PSMB1: variants seen among roughly 807,000 people sequenced by gnomAD.
The protein encoded by PSMB1 is proteasome 20S subunit beta 1.
PSMB1 carries 7 observed loss-of-function variants against 25.4 expected under a neutral mutation model. The observed-to-expected ratio is 0.28, with a 90% CI of 0.16 to 0.52. The LOEUF (loss-of-function observed/expected upper bound fraction) is 0.52, where lower values mean the gene tolerates loss of function less well. Ranked by LOEUF, PSMB1 falls within the 20% of genes least tolerant of loss-of-function variation. The pLI is 0.97. For synonymous variants in PSMB1, 119 were observed against 115.0 expected (o/e 1.03, Z -0.22); for missense variants, 284 against 302.2 (o/e 0.94, Z 0.45).
chr6:170,550,565 G>T (rs1778879674), intron 1 of PSMB1: 1 of 152,162 alleles, frequency 6.6e-6, no homozygotes, highest in South Asian at 2.1e-4. Flanking sequence ...TTTAAAAAAG[G>T]AATGCAAGAG....
At position 170,549,255 on chromosome 6, in the gene PSMB1, C is replaced by T. The variant is rs17860771; in HGVS notation, c.114-142G>A. The T allele has an allele frequency of 2.1e-3, 1,019 of 492,946 alleles. 2 individuals are homozygous for T. Among genetic ancestry groups the T allele is most frequent in the South Asian group, 7.5e-3 (191 of 25,452 alleles). 30.5% of individuals were successfully genotyped at this position (492,946 alleles called of 1,614,324 possible). ...TTCAAATGGGAAGAGGAAAGATGAGCGGGAAGAGAATGAACGCCTGGCTAC... is the reference window on the plus strand; with the variant it reads ...TTCAAATGGGAAGAGGAAAGATGAGTGGGAAGAGAATGAACGCCTGGCTAC... On this transcript the variant is annotated intron_variant, in intron 1 of 5. Coordinates refer to ENST00000262193, the MANE Select transcript of PSMB1 (RefSeq NM_002793.4).
At chr6:170,547,881 CAAAAA>C (rs5881874) in intron 2 of PSMB1, among the ~76,000 whole-genome samples, 1 of 112,960 alleles carries the variant, frequency 8.9e-6, no homozygotes, top group Non-Finnish European at 1.9e-5. Context: ...ACGTGTTTCA[CAAAAA>C]AAAAAAAAAA....
At chr6:170,538,923 A>C (rs1778727202) in intron 4 of PSMB1, among the ~76,000 whole-genome samples, 1 of 152,186 alleles carries the variant, frequency 6.6e-6, no homozygotes, top group South Asian at 2.1e-4. Context: ...GCCACAAGTA[A>C]ACTGAGGCCC....
rs775774872 is a variant in PSMB1 at position 170,549,038 on chromosome 6, A to C, written c.189T>G (p.Ile63Met). The C allele has an allele frequency of 6.2e-7, 1 of 1,613,326 alleles. No homozygotes were observed. ...SDTRLSEGFS[I>M]HTRDSPKCYK... ...AACATTTGGGGCTATCCCGCGTATG[A>C]ATTGAAAACCCTTCACTCAATCGAG... Residue 63 changes from isoleucine (I) to methionine (M), a missense_variant, in exon 2 of 6, where the codon ATT (isoleucine) becomes ATG (methionine). Physicochemically the swap from Ile to Met is conservative, Grantham distance 10. Coordinates refer to ENST00000262193, the MANE Select transcript of PSMB1 (RefSeq NM_002793.4).
intron 1 of PSMB1, among the ~76,000 whole-genome samples, chr6:170,551,307 T>G (rs9356664): frequency 0.21 from 31,688 of 152,078 alleles, 4,122 homozygotes; most frequent in South Asian, 0.34. Context: ...GAAAACCAGA[T>G]TTGGGAGTAA....
intron 2 of PSMB1, among the ~76,000 whole-genome samples, chr6:170,547,474 G>C (rs1311085406): frequency 6.6e-6 from 1 of 152,160 alleles, no homozygotes; most frequent in Non-Finnish European, 1.5e-5. Flanking sequence ...ATTCCTCTTG[G>C]AAACTTACGA....
chr6:170,535,936 A>G (rs1778685090), intron 5 of PSMB1, among the ~76,000 whole-genome samples: 1 of 152,210 alleles, frequency 6.6e-6, no homozygotes, highest in African/African-American at 2.4e-5. Context: ...GCAGAGGAGT[A>G]GCTATATATG....
chr6:170,546,902 C>T (rs944770242), intron 2 of PSMB1, among the ~76,000 whole-genome samples: 1 of 152,018 alleles, frequency 6.6e-6, no homozygotes, highest in Non-Finnish European at 1.5e-5. Context: ...GCATCTACCC[C>T]CAAAGTCTAA....
At chr6:170,552,125 G>A (rs901013492) in intron 1 of PSMB1, among the ~76,000 whole-genome samples, 1 of 152,192 alleles carries the variant, frequency 6.6e-6, no homozygotes, top group Non-Finnish European at 1.5e-5. Context: ...TGCTGCGCAG[G>A]CTGGTCTTCA....
In PSMB1 at chr6:170,543,619, C is replaced by T. The variant is rs1400276022; in HGVS notation, c.415G>A (p.Gly139Ser). ...ATTCTACCTTCTTCATCAAGTCCAC[C>T]GATGATGTTGTAAACATAGTATGGA... ...FFPYYVYNII[G>S]GLDEEGKGAV... is the part of the protein sequence containing the mutation. Residue 139 changes from glycine to serine, a missense_variant, in exon 4 of 6, where the codon GGT becomes AGT. Coordinates refer to ENST00000262193, the MANE Select transcript of PSMB1 (RefSeq NM_002793.4). 6.2e-6 allele frequency: 10 copies of T among 1,608,930 alleles called. No individual in the cohort carries two copies. Among genetic ancestry groups the T allele is most frequent in the South Asian group, 1.1e-5 (1 of 90,398 alleles).
At chr6:170,537,017 G>C (rs1011018941) in intron 5 of PSMB1, among the ~76,000 whole-genome samples, 1 of 152,178 alleles carries the variant, frequency 6.6e-6, no homozygotes, top group African/African-American at 2.4e-5. Flanking sequence ...AAAACCATGG[G>C]AGTAGGTAAG....
Position 170,545,684 on chromosome 6 carries a change from C to T in PSMB1, c.303+419G>A, listed in dbSNP as rs566966677. On this transcript the variant is annotated intron_variant, in intron 3 of 5. Transcript: ENST00000262193. ...TTCTTTCGTATTTCTACTCATGCAT[C>T]CTGCCAACTAAGAGCACAGCACTGT... 5.1e-4 allele frequency among the ~76,000 whole-genome samples: 77 copies of T among 152,308 alleles called. 1 individual carries two copies. Among genetic ancestry groups the T allele is most frequent in the African/African-American group, 1.8e-3 (75 of 41,568 alleles).
chr6:170,553,226 G>T lies in PSMB1; in HGVS notation c.17C>A (p.Ala6Asp). 1 of 1,612,804 alleles carries T rather than the reference G, an allele frequency of 6.2e-7. No individual in the cohort carries two copies. The highest frequency in any genetic ancestry group is 1.3e-5 in the African/African-American group (1 of 75,042). Residue 6 changes from alanine to aspartate, a missense_variant, in exon 1 of 6, where the codon GCC becomes GAC. Coordinates refer to ENST00000262193, the MANE Select transcript of PSMB1 (RefSeq NM_002793.4). MLSST[A>D]MYSAPGRDLG... ...GTCTCTGCCAGGAGCCGAATACATG[G>T]CTGTAGAGGACAACATCGCACGGCT...
At chr6:170,550,477 G>A (rs1320208186) in intron 1 of PSMB1, 2 of 152,232 alleles carry the variant, frequency 1.3e-5, no homozygotes, top group African/African-American at 4.8e-5. Context: ...AGGCTGAGGT[G>A]GGAGGACTGC....
At chr6:170,549,250 A>C in intron 1 of PSMB1, 137 bp from the exon 2 acceptor site, 3 of 513,672 alleles carry the variant, frequency 5.8e-6, no homozygotes, top group Non-Finnish European at 1.0e-5. Flanking sequence ...AAGAGGAAAG[A>C]TGAGCGGGAA....
At chr6:170,543,476 A>C (rs1778779589) in intron 4 of PSMB1, 125 bp downstream of exon 4, 1 of 1,027,282 alleles carries the variant, frequency 9.7e-7, no homozygotes, top group Admixed American at 2.7e-5. Flanking sequence ...CACTTTCATT[A>C]TCAGAAATGA....
rs1778816033 is a variant in PSMB1 at position 170,546,180 on chromosome 6, C to G, written c.226G>C (p.Asp76His). The change falls in exon 3 of 6, where the codon GAC becomes CAC. Residue 76 changes from aspartate to histidine, a missense_variant. Transcript: ENST00000262193. Reference protein sequence around the residue: ...RDSPKCYKLTDKTVIGCSGFH... With the variant: ...RDSPKCYKLTHKTVIGCSGFH... ...CCGCTGCATCCAATGACTGTTTTGT[C>G]TGTTCTGTAAAAAGCACATTTCAGA... The G allele has an allele frequency of 1.2e-6, 2 of 1,613,596 alleles. No homozygotes were observed. The highest frequency in any genetic ancestry group is 1.1e-5 in the South Asian group (1 of 91,024).
In PSMB1 at chr6:170,539,955, AATAC is replaced by A. The variant is rs371090843; in HGVS notation, c.434-2619_434-2616del. 3.8e-3 allele frequency among the ~76,000 whole-genome samples: 579 copies of A among 152,376 alleles called. 5 individuals carry two copies. Among genetic ancestry groups the A allele is most frequent in the African/African-American group, 0.013 (520 of 41,592 alleles). ...TGCATATAGCTTAGATCTCCTTGAT[AATAC>A]ATAATGTATAGTTACAGAAAAACAG... is the stretch of plus-strand genomic sequence containing the variant. On this transcript the variant is annotated intron_variant, in intron 4 of 5. Coordinates refer to ENST00000262193, the MANE Select transcript of PSMB1 (RefSeq NM_002793.4).
At chr6:170,547,445 A>G (rs889733040) in intron 2 of PSMB1, among the ~76,000 whole-genome samples, 2 of 152,180 alleles carry the variant, frequency 1.3e-5, no homozygotes, top group African/African-American at 4.8e-5. Context: ...CCTAAACAAT[A>G]TTTTGCAGAG....
Sources: allele counts gnomAD v4.1 joint callset (sites outside exome capture counted in the v4.1 genomes callset), GRCh38; gene constraint gnomAD v4.1.1; transcripts MANE v1.5; gene names NCBI Gene and HGNC (gene_info 2026-07-23, HGNC 2026-07-21).